The following UNC5CL variants were observed in gnomAD, a reference collection of about 807,000 sequenced individuals.
UNC5CL encodes unc-5 family C-terminal like, also known as UNC5C-like protein.
A neutral mutation model predicts 54.1 loss-of-function variants in UNC5CL; 42 were observed. The observed-to-expected ratio is 0.78, with a 90% CI of 0.61 to 1.00. The LOEUF (loss-of-function observed/expected upper bound fraction) is 1.00, where lower values mean the gene tolerates loss of function less well. UNC5CL is among the 50% of genes least tolerant of loss of function. The probability of loss-of-function intolerance (pLI) is 0.00; values close to 1 mark genes in which losing one functional copy is unlikely to be tolerated. For synonymous variants in UNC5CL, 285 were observed against 285.1 expected (o/e 1.00, Z 0.00); for missense variants, 619 against 675.6 (o/e 0.92, Z 0.93).
Position 41,032,960 on chromosome 6 carries a change from C to T in UNC5CL, c.873G>A (p.Leu291=). Residue 291 remains leucine (L), a synonymous_variant, in exon 4 of 9, where the codon CTG becomes CTA. Transcript: ENST00000244565. ...LTNEQPHGGR[L]RGPCQLFDFN... is the part of the protein sequence containing the mutation. ...AGTCGAAGAGCTGGCAGGGCCCACG[C>T]AGGCGCCCACCATGGGGCTGCTCGT... 1.2e-6 allele frequency: 2 copies of T among 1,603,016 alleles called. No individual in the cohort carries two copies. The highest frequency in any genetic ancestry group is 1.7e-4 in the Middle Eastern group (1 of 6,046).
In UNC5CL at chr6:41,028,963, A is replaced by C. The variant is rs1762423291; in HGVS notation, c.1335-368T>G. On this transcript the variant is annotated intron_variant, in intron 8 of 8. Coordinates refer to ENST00000244565, the MANE Select transcript of UNC5CL (RefSeq NM_173561.3). This position sits in a 1 kb window ranked among gnomAD's most constrained non-coding sequence, Gnocchi z 4.3. ...CCCCTAGCCTCCCCCTAGCCTCCTA[A>C]CTCCCTCCTTCCTCCCTCTCTCCTA... 1.2e-5 allele frequency among the ~76,000 whole-genome samples: 1 copy of C among 85,938 alleles called. No homozygotes were observed. The highest frequency in any genetic ancestry group is 4.8e-5 in the African/African-American group (1 of 20,630). 56.4% of individuals were successfully genotyped at this position (85,938 alleles called of 152,430 possible).
At chr6:41,030,606 T>C in intron 7 of UNC5CL, 49 bp downstream of exon 7, 1 of 1,610,438 alleles carries the variant, frequency 6.2e-7, no homozygotes, top group African/African-American at 1.3e-5. Context: ...GGTGCCAGGG[T>C]AGGAACCCAA....
intron 3 of UNC5CL, 118 bp from the exon 4 acceptor site, chr6:41,033,264 A>T: frequency 7.7e-7 from 1 of 1,303,746 alleles, no homozygotes; most frequent in African/African-American, 1.5e-5. Flanking sequence ...AGGTTCAGAG[A>T]ACACTCGAGG....
intron 2 of UNC5CL, among the ~76,000 whole-genome samples, chr6:41,034,431 A>G (rs1324877634): frequency 6.6e-6 from 1 of 152,166 alleles, no homozygotes; most frequent in Non-Finnish European, 1.5e-5. Flanking sequence ...TGAATTTGCA[A>G]ATGGTGCTCT....
At chr6:41,031,806 CAGG>C (rs1178014031) in intron 5 of UNC5CL, 58 bp from the exon 6 acceptor site, 3 of 1,567,784 alleles carry the variant, frequency 1.9e-6, no homozygotes, top group Admixed American at 1.7e-5. Context: ...GGGGTAAGAG[CAGG>C]AGAAGGTAAG....
At chr6:41,032,804 G>T (rs1054994231) in intron 4 of UNC5CL, 80 bp downstream of exon 4, 84 of 1,457,604 alleles carry the variant, frequency 5.8e-5, no homozygotes, top group Non-Finnish European at 7.3e-5. Context: ...CAGATCTCCA[G>T]ATGTCCAGGG....
chr6:41,034,877 C>G lies in UNC5CL; in HGVS notation c.198G>C (p.Arg66Ser), dbSNP rs772959671. 5 of 1,614,094 alleles carry G rather than the reference C, an allele frequency of 3.1e-6. No individual in the cohort carries two copies. In the South Asian group the frequency reaches 5.5e-5, roughly 18 times the overall value. The change falls in exon 2 of 9, where the codon AGG (arginine) becomes AGC (serine). Residue 66 changes from arginine (R) to serine (S), a missense_variant. Physicochemically the swap from Arg to Ser is moderately radical, Grantham distance 110. Transcript: ENST00000244565. ...CTGGCAGTGTGGCTGGCAGGTGCTG[C>G]CTTGAGACCTCATTTTCTAGTTGGG... is the stretch of plus-strand genomic sequence containing the variant. ...PTPQLENEVS[R>S]QHLPATLPEM...
At position 41,030,495 on chromosome 6, in the gene UNC5CL, G is replaced by C. The variant is rs1762441691; in HGVS notation, c.1227C>G (p.Pro409=). ...VSQPPPCNRL[P]PELFEQLRML... is the part of the protein sequence containing the mutation. ...TCCGCAGCTGCTCAAAGAGCTCTGG[G>C]GGCAGCCTTAGGCAGGGAAAAGGGT... The change falls in exon 8 of 9, where the codon CCC becomes CCG. Residue 409 remains proline (P), a synonymous_variant. Transcript: ENST00000244565. 6.2e-7 allele frequency: 1 copy of C among 1,614,058 alleles called. No homozygotes were observed. The highest frequency in any genetic ancestry group is 1.3e-5 in the African/African-American group (1 of 74,918).
chr6:41,028,272 G>A lies in UNC5CL; in HGVS notation c.*101C>T. On this transcript the variant is annotated 3_prime_UTR_variant, in exon 9 of 9. Coordinates refer to ENST00000244565, the MANE Select transcript of UNC5CL (RefSeq NM_173561.3). The surrounding 1 kb of genome is among the most constrained non-coding windows in gnomAD (Gnocchi z 4.3). ...TGGCACCGTCCGAGGGTTCTGGGAAGGGTGGTGGGCACAGCCAGGAACAGC... is the reference window on the plus strand; with the variant it reads ...TGGCACCGTCCGAGGGTTCTGGGAAAGGTGGTGGGCACAGCCAGGAACAGC... 1 of 1,246,894 alleles carries A rather than the reference G, an allele frequency of 8.0e-7. No individual in the cohort carries two copies. The highest frequency in any genetic ancestry group is 2.6e-5 in the East Asian group (1 of 38,882). The allele number at this position is 1,246,894 out of a possible 1,614,324, so 77.2% of individuals were successfully genotyped here.
chr6:41,028,611 G>T lies in UNC5CL; in HGVS notation c.1335-16C>A. On this transcript the variant is annotated splice_polypyrimidine_tract_variant and intron_variant, in intron 8 of 8. Transcript: ENST00000244565. This position sits in a 1 kb window ranked among gnomAD's most constrained non-coding sequence, Gnocchi z 4.3. ...GGACAGGAACCTGGCCCGAGGTAGG[G>T]GAGGAAGAGAAGGGTGTAGGAGCAG... 6.2e-7 allele frequency: 1 copy of T among 1,610,256 alleles called. No individual in the cohort carries two copies.
At position 41,028,640 on chromosome 6, in the gene UNC5CL, G is replaced by GGGGCTCCCCCCCTGCTGC. The variant is rs1561828579; in HGVS notation, c.1335-63_1335-46dup. The GGGGCTCCCCCCCTGCTGC allele has an allele frequency of 6.3e-7, 1 of 1,575,138 alleles. No individual in the cohort carries two copies. The highest frequency in any genetic ancestry group is 2.3e-5 in the East Asian group (1 of 44,430). ...GAAGAGAAGGGTGTAGGAGCAGGGA[G>GGGGCTCCCCCCCTGCTGC]GGGCTCCCCCCCTGCTGCAGGCTCC... On this transcript the variant is annotated intron_variant, in intron 8 of 8. Coordinates refer to ENST00000244565, the MANE Select transcript of UNC5CL (RefSeq NM_173561.3). This position sits in a 1 kb window ranked among gnomAD's most constrained non-coding sequence, Gnocchi z 4.3.
chr6:41,032,786 G>T, intron 4 of UNC5CL, 98 bp downstream of exon 4: 2 of 1,434,024 alleles, frequency 1.4e-6, no homozygotes, highest in Non-Finnish European at 1.8e-6. Context: ...AGAGAGACTT[G>T]GGATCCCCAG....
rs1389185173 is a variant in UNC5CL at position 41,034,835 on chromosome 6, G to T, written c.240C>A (p.Tyr80Ter). 1.9e-6 allele frequency: 3 copies of T among 1,614,238 alleles called. No individual in the cohort carries two copies. In the South Asian group the frequency reaches 3.3e-5, roughly 18 times the overall value. Residue 80 changes from tyrosine to a stop codon, truncating the protein, a stop_gained, in exon 2 of 9, where the codon TAC (tyrosine) becomes TAA (stop). Transcript: ENST00000244565. LOFTEE classifies it high-confidence loss of function. Reference protein sequence around the residue: ...PATLPEMVAFYQELHTPTQGQ... With the variant: ...PATLPEMVAF ...CTTGAGTGGGTGTGTGTAGCTCCTG[G>T]TAGAAGGCAACCATCTCTGGCAGTG... is the stretch of plus-strand genomic sequence containing the variant.
intron 1 of UNC5CL, 150 bp from the exon 2 acceptor site, chr6:41,035,285 C>G (rs910220439): frequency 9.2e-6 from 5 of 544,044 alleles, no homozygotes; most frequent in African/African-American, 5.5e-5. Context: ...CTCTCTTACT[C>G]GAGAACCTAC....
At position 41,034,769 on chromosome 6, in the gene UNC5CL, C is replaced by T; in HGVS notation, c.306G>A (p.Val102=). 1.2e-6 allele frequency: 2 copies of T among 1,613,874 alleles called. No homozygotes were observed. The highest frequency in any genetic ancestry group is 1.7e-6 in the Non-Finnish European group (2 of 1,180,020). The part of the protein sequence containing the change: ...MVRQLMHKLL[V]FSAREVDHRG... The stretch of plus-strand genomic sequence containing the variant: ...GGTGATCCACCTCTCGAGCCGAAAA[C>T]ACCAACAGTTTGTGCATCAACTGGC... The change falls in exon 2 of 9, where the codon GTG becomes GTA. Residue 102 remains valine (V), a synonymous_variant. Coordinates refer to ENST00000244565, the MANE Select transcript of UNC5CL (RefSeq NM_173561.3).
chr6:41,035,267 T>A, intron 1 of UNC5CL, 132 bp from the exon 2 acceptor site: 1 of 608,592 alleles, frequency 1.6e-6, no homozygotes, highest in Non-Finnish European at 2.6e-6. Flanking sequence ...CCAATTCTTT[T>A]AACCTGTCTC....
At chr6:41,032,478 G>A (rs1328553988) in intron 4 of UNC5CL, among the ~76,000 whole-genome samples, 1 of 152,236 alleles carries the variant, frequency 6.6e-6, no homozygotes, top group East Asian at 1.9e-4. Context: ...CAGACTTGGG[G>A]CCTGGTGTGG....
At chr6:41,037,303 C>T (rs955280924) in intron 1 of UNC5CL, among the ~76,000 whole-genome samples, 8 of 152,330 alleles carry the variant, frequency 5.3e-5, no homozygotes, top group South Asian at 2.1e-4. Flanking sequence ...CGTCTTATTC[C>T]GCTCTCAAGG....
chr6:41,031,718 G>A lies in UNC5CL; in HGVS notation c.1082C>T (p.Thr361Ile). 1 of 1,614,104 alleles carries A rather than the reference G, an allele frequency of 6.2e-7. No individual in the cohort carries two copies. The highest frequency in any genetic ancestry group is 2.2e-5 in the East Asian group (1 of 44,878). ...ADENEDCSAL[T>I]NEIIVTMHTF... ...GTGCATGGTGACAATGATCTCATTG[G>A]TTAGTGCTGAACAGTCCTCATTCTC... Residue 361 changes from threonine (T) to isoleucine (I), a missense_variant, in exon 6 of 9, where the codon ACC becomes ATC. By Grantham distance (89) the Thr-to-Ile change is moderately conservative. Transcript: ENST00000244565.
Sources: gnomAD v4.1 joint callset for allele counts (sites outside exome capture counted in the v4.1 genomes callset) on GRCh38, gnomAD v4.1.1 for gene constraint, Gnocchi (gnomAD v3.1) non-coding constraint, MANE v1.5 for transcripts, NCBI Gene and HGNC (gene_info 2026-07-23, HGNC 2026-07-21) for gene names.